GPR137C: variants seen among roughly 807,000 people sequenced by gnomAD.
GPR137C encodes G protein-coupled receptor 137C, also known as integral membrane protein GPR137C.
In GPR137C, 27 loss-of-function variants were observed where a neutral mutation model predicts 43.4. The observed-to-expected ratio is 0.62, with a 90% confidence interval of 0.46 to 0.86. The LOEUF is 0.86. Among genes scored for constraint, GPR137C ranks in the 40% least tolerant of loss-of-function variants. GPR137C has a pLI of 0.00. For missense variants in GPR137C, 522 were observed against 534.6 expected, an observed-to-expected ratio of 0.98 and a Z score of 0.23; for synonymous variants, 285 against 226.9, an observed-to-expected ratio of 1.26 and a Z score of -2.30.
intron 1 of GPR137C, among the ~76,000 whole-genome samples, chr14:52,565,069 C>T (rs939488880): frequency 8.5e-5 from 13 of 152,138 alleles, no homozygotes; most frequent in African/African-American, 3.1e-4. Flanking sequence ...TTAAAGAGGA[C>T]AATCACATTA....
At position 52,552,940 on chromosome 14, in the gene GPR137C, G is replaced by T. The variant is rs985851603; in HGVS notation, c.-208G>T. Among the ~76,000 whole-genome samples the T allele has an allele frequency of 6.6e-6, 1 of 151,336 alleles. No individual in the cohort carries two copies. Among genetic ancestry groups the T allele is most frequent in the South Asian group, 2.1e-4 (1 of 4,798 alleles). On this transcript the variant is annotated 5_prime_UTR_variant, in exon 1 of 7. Coordinates refer to ENST00000321662, the MANE Select transcript of GPR137C (RefSeq NM_001099652.2). Reference sequence around the variant, plus strand: ...GCCGAGCCGCAGCAGGAGGAGCCGAGACCCCCGGGGGGTGGGGGGAAAGAG... The same window carrying T: ...GCCGAGCCGCAGCAGGAGGAGCCGATACCCCCGGGGGGTGGGGGGAAAGAG...
chr14:52,577,516 G>GCACACACACACACACACACACACACA (rs3064748), intron 1 of GPR137C, among the ~76,000 whole-genome samples: 1 of 145,408 alleles, frequency 6.9e-6, no homozygotes, highest in African/African-American at 2.5e-5. Flanking sequence ...GCGCGCGCGC[G>GCACACACACACACACACACACACACA]CACACACACA....
chr14:52,616,758 A>G lies in GPR137C; in HGVS notation c.718-15402A>G, dbSNP rs115630581. ...TAAATTCAGAAGTTTAGTTGCCAGA[A>G]AGATGACCTGAAGGATGTGCATTCC... On this transcript the variant is annotated intron_variant, in intron 3 of 6. Transcript: ENST00000321662. Among the ~76,000 whole-genome samples the G allele has an allele frequency of 3.4e-3, 518 of 152,326 alleles. 2 individuals carry two copies. Among genetic ancestry groups the G allele is most frequent in the African/African-American group, 0.012 (488 of 41,558 alleles).
intron 4 of GPR137C, 32 bp from the exon 5 acceptor site, chr14:52,633,498 T>C: frequency 6.2e-7 from 1 of 1,600,290 alleles, no homozygotes; most frequent in Non-Finnish European, 8.5e-7. Flanking sequence ...AATAAACAGA[T>C]GTAAAAATTC....
intron 1 of GPR137C, among the ~76,000 whole-genome samples, chr14:52,586,969 C>A (rs564123917): frequency 1.3e-5 from 2 of 152,132 alleles, no homozygotes. Flanking sequence ...AGAAATCATT[C>A]AAACGTAGAA....
intron 1 of GPR137C, among the ~76,000 whole-genome samples, chr14:52,560,884 T>C (rs2038272621): frequency 1.3e-5 from 2 of 152,150 alleles, no homozygotes; most frequent in South Asian, 4.1e-4. Context: ...TTTATCAAAA[T>C]TTAAAACTTT....
At position 52,553,433 on chromosome 14, in the gene GPR137C, A is replaced by C; in HGVS notation, c.286A>C (p.Arg96=). The C allele has an allele frequency of 4.4e-6, 7 of 1,609,080 alleles. No homozygotes were observed. Among genetic ancestry groups the C allele is most frequent in the Non-Finnish European group, 5.9e-6 (7 of 1,179,772 alleles). The part of the protein sequence containing the change: ...LFLCLLWAAL[R]TTLFSAAFSL... ...CCTCTGTCTCCTGTGGGCAGCGCTC[A>C]GGACCACCCTCTTCTCCGCCGCCTT... Residue 96 remains arginine (R), a synonymous_variant, in exon 1 of 7, where the codon AGG becomes CGG. Coordinates refer to ENST00000321662, the MANE Select transcript of GPR137C (RefSeq NM_001099652.2).
At position 52,566,023 on chromosome 14, in the gene GPR137C, T is replaced by C. The variant is rs188378719; in HGVS notation, c.444+12432T>C. ...CAATGCAGAATTTGAGAATTTTTGC[T>C]TAAACTCCTTAGTACCTAGTTCTGT... On this transcript the variant is annotated intron_variant, in intron 1 of 6. Transcript: ENST00000321662. Among the ~76,000 whole-genome samples the C allele has an allele frequency of 2.0e-5, 3 of 152,344 alleles. No individual in the cohort carries two copies. The East Asian group carries it at 5.8e-4, about 29-fold the overall frequency.
chr14:52,632,065 G>C (rs1469381672), intron 3 of GPR137C, 95 bp from the exon 4 acceptor site: 1 of 737,844 alleles, frequency 1.4e-6, no homozygotes, highest in Non-Finnish European at 2.3e-6. Context: ...CTTTGTAGGA[G>C]TGCATTGCAA....
At chr14:52,559,403 C>A (rs560326353) in intron 1 of GPR137C, among the ~76,000 whole-genome samples, 8 of 152,030 alleles carry the variant, frequency 5.3e-5, no homozygotes, top group African/African-American at 1.9e-4. Context: ...AAAAAACCTT[C>A]AAAATCAATG....
chr14:52,585,688 A>T (rs924867737), intron 1 of GPR137C, among the ~76,000 whole-genome samples: 1 of 151,774 alleles, frequency 6.6e-6, no homozygotes, highest in African/African-American at 2.4e-5. Flanking sequence ...CACAAAAATT[A>T]GCCAGGTATG....
chr14:52,562,098 C>A (rs2038293503), intron 1 of GPR137C, among the ~76,000 whole-genome samples: 1 of 151,942 alleles, frequency 6.6e-6, no homozygotes. Flanking sequence ...GAAAGCTAAT[C>A]ATCTAATTTA....
At chr14:52,576,727 A>G (rs2038558577) in intron 1 of GPR137C, among the ~76,000 whole-genome samples, 1 of 152,212 alleles carries the variant, frequency 6.6e-6, no homozygotes, top group Non-Finnish European at 1.5e-5. Flanking sequence ...CCCTACAACC[A>G]CAGAATACAC....
chr14:52,616,075 A>G (rs180821489), intron 3 of GPR137C, among the ~76,000 whole-genome samples: 38 of 152,322 alleles, frequency 2.5e-4, no homozygotes, highest in Non-Finnish European at 4.4e-5. Context: ...TTTCTCAAGT[A>G]CTGCCTTGGC....
chr14:52,594,734 T>A (rs141644478), intron 1 of GPR137C, among the ~76,000 whole-genome samples: 1 of 152,350 alleles, frequency 6.6e-6, no homozygotes, highest in East Asian at 1.9e-4. Flanking sequence ...ATGGGTCTCC[T>A]GAATGCAGCA....
intron 3 of GPR137C, among the ~76,000 whole-genome samples, chr14:52,624,880 A>G (rs1174704567): frequency 2.0e-5 from 3 of 152,342 alleles, no homozygotes; most frequent in Admixed American, 2.0e-4. Context: ...AATGTTATGA[A>G]TGAAAGAGGG....
chr14:52,560,528 CAA>C (rs1247740767), intron 1 of GPR137C, among the ~76,000 whole-genome samples: 2 of 152,056 alleles, frequency 1.3e-5, no homozygotes, highest in African/African-American at 4.8e-5. Flanking sequence ...CTACAGTAAT[CAA>C]GAGAGTGTAA....
intron 1 of GPR137C, among the ~76,000 whole-genome samples, chr14:52,567,688 A>C (rs114287521): frequency 6.8e-6 from 1 of 146,564 alleles, no homozygotes; most frequent in Non-Finnish European, 1.5e-5. Context: ...GAGACAGAGA[A>C]TCGCCCTGTT....
intron 3 of GPR137C, among the ~76,000 whole-genome samples, chr14:52,615,266 G>A (rs2039085691): frequency 6.6e-6 from 1 of 152,070 alleles, no homozygotes; most frequent in Non-Finnish European, 1.5e-5. Context: ...TTCACTATAG[G>A]TGTGTGGATT....
Sources: allele counts gnomAD v4.1 joint callset (sites outside exome capture counted in the v4.1 genomes callset), GRCh38; gene constraint gnomAD v4.1.1; transcripts MANE v1.5; gene names NCBI Gene and HGNC (gene_info 2026-07-23, HGNC 2026-07-21).